CLSTN2: variants seen among roughly 807,000 people sequenced by gnomAD.
The protein encoded by CLSTN2 is calsyntenin 2, also known as calsyntenin-2.
In CLSTN2, 48 loss-of-function variants were observed where a neutral mutation model predicts 101.2. The ratio of observed to expected loss-of-function variants is 0.47; its 90% CI spans 0.38 to 0.60. The LOEUF (loss-of-function observed/expected upper bound fraction) is 0.60. Ranked by LOEUF, CLSTN2 falls within the 20% of genes least tolerant of loss-of-function variation. The pLI is 0.00. For synonymous variants in CLSTN2, 481 were observed against 463.6 expected, an observed-to-expected ratio of 1.04 and a Z score of -0.48; for missense variants, 1,160 against 1,238.2, an observed-to-expected ratio of 0.94 and a Z score of 0.95.
intron 5 of CLSTN2, among the ~76,000 whole-genome samples, chr3:140,423,340 C>T (rs538611498): frequency 6.6e-6 from 1 of 152,292 alleles, no homozygotes; most frequent in Admixed American, 6.5e-5. Flanking sequence ...GCTATTATGT[C>T]TCCAGTGCCC....
At chr3:140,471,113 T>G (rs555324695) in intron 8 of CLSTN2, among the ~76,000 whole-genome samples, 3 of 152,230 alleles carry the variant, frequency 2.0e-5, no homozygotes, top group Admixed American at 2.0e-4. Context: ...AGAATGTCAT[T>G]TTAATGGGAT....
chr3:140,080,528 CCTT>C (rs1418673424), intron 1 of CLSTN2, among the ~76,000 whole-genome samples: 2 of 152,178 alleles, frequency 1.3e-5, no homozygotes, highest in African/African-American at 2.4e-5. Flanking sequence ...CCCAACCCAA[CCTT>C]CTTTCTCTGG....
intron 2 of CLSTN2, among the ~76,000 whole-genome samples, chr3:140,217,491 A>C (rs1255424438): frequency 6.6e-6 from 1 of 152,246 alleles, no homozygotes; most frequent in Non-Finnish European, 1.5e-5. Flanking sequence ...TTATCATTCA[A>C]CATCACCACA....
At chr3:140,275,953 A>C (rs1470718022) in intron 2 of CLSTN2, among the ~76,000 whole-genome samples, 4 of 152,202 alleles carry the variant, frequency 2.6e-5, no homozygotes, top group Non-Finnish European at 4.4e-5. Flanking sequence ...GCAGGGGCAT[A>C]GGGTGAACAC....
Position 140,173,178 on chromosome 3 carries a change from G to A in CLSTN2, c.110-2773G>A, listed in dbSNP as rs117648076. 1.4e-3 allele frequency among the ~76,000 whole-genome samples: 212 copies of A among 152,276 alleles called. 4 individuals carry two copies. In the East Asian group the frequency reaches 0.037, roughly 27 times the overall value. On this transcript the variant is annotated intron_variant, in intron 1 of 16. Coordinates refer to ENST00000458420, the MANE Select transcript of CLSTN2 (RefSeq NM_022131.3). ...AGATACAATGGGGATGCAGACATTG[G>A]GTAAATACAACCGTTCCAAATGGGA... is the stretch of plus-strand genomic sequence containing the variant.
chr3:140,195,483 T>G (rs2010630900), intron 2 of CLSTN2, among the ~76,000 whole-genome samples: 1 of 152,088 alleles, frequency 6.6e-6, no homozygotes, highest in African/African-American at 2.4e-5. Flanking sequence ...TTAGTTTTAC[T>G]TAGTGGGAAG....
At chr3:140,467,732 T>C (rs545410724) in intron 8 of CLSTN2, among the ~76,000 whole-genome samples, 14 of 152,278 alleles carry the variant, frequency 9.2e-5, no homozygotes, top group Admixed American at 2.0e-4. Flanking sequence ...CATAATCCTT[T>C]CCCTTCTCCA....
chr3:140,026,812 C>T (rs79982353), intron 1 of CLSTN2, among the ~76,000 whole-genome samples: 248 of 152,324 alleles, frequency 1.6e-3, no homozygotes, highest in African/African-American at 5.7e-3. Flanking sequence ...CAGGGAACCC[C>T]CTTCCCATCT....
chr3:140,335,068 AG>A (rs1448909606), intron 2 of CLSTN2, among the ~76,000 whole-genome samples: 1 of 152,224 alleles, frequency 6.6e-6, no homozygotes, highest in Non-Finnish European at 1.5e-5. Flanking sequence ...TACCCTGGCC[AG>A]ACATTTCTTT....
chr3:140,031,947 T>C (rs2007559893), intron 1 of CLSTN2, among the ~76,000 whole-genome samples: 1 of 152,090 alleles, frequency 6.6e-6, no homozygotes. Context: ...TTCCGTAAAA[T>C]GAAGAGGTTA....
chr3:140,005,569 GT>G (rs1417542554), intron 1 of CLSTN2, among the ~76,000 whole-genome samples: 7 of 152,106 alleles, frequency 4.6e-5, no homozygotes, highest in African/African-American at 1.7e-4. Context: ...AGCTTGATAT[GT>G]GCTCATCCCT....
intron 1 of CLSTN2, among the ~76,000 whole-genome samples, chr3:140,148,273 G>A (rs2009811912): frequency 1.3e-5 from 2 of 152,206 alleles, no homozygotes; most frequent in South Asian, 2.1e-4. Context: ...GCACCAAGGA[G>A]AGCTCAGAGA....
intron 1 of CLSTN2, among the ~76,000 whole-genome samples, chr3:140,063,865 A>G (rs1205849891): frequency 6.6e-6 from 1 of 152,158 alleles, no homozygotes; most frequent in East Asian, 1.9e-4. Flanking sequence ...TAAACAACTC[A>G]ATTATGGAGT....
In CLSTN2 at chr3:140,403,714, C is replaced by G. The variant is rs1458088582; in HGVS notation, c.318C>G (p.Leu106=). ...VLNKTSGEGR[L]RAKSPIDCEL... is the part of the protein sequence containing the mutation. Reference sequence around the variant, plus strand: ...ACAAGACATCAGGAGAGGGCCGGCTCCGTGCCAAGAGCCCCATTGACTGTG... The same window carrying G: ...ACAAGACATCAGGAGAGGGCCGGCTGCGTGCCAAGAGCCCCATTGACTGTG... The change falls in exon 3 of 17, where the codon CTC becomes CTG. Residue 106 remains leucine, a synonymous_variant. Coordinates refer to ENST00000458420, the MANE Select transcript of CLSTN2 (RefSeq NM_022131.3). 6.2e-7 allele frequency: 1 copy of G among 1,614,204 alleles called. No individual in the cohort carries two copies.
intron 2 of CLSTN2, among the ~76,000 whole-genome samples, chr3:140,253,380 T>TC (rs1242141571): frequency 2.0e-5 from 3 of 152,216 alleles, no homozygotes; most frequent in African/African-American, 7.2e-5. Context: ...TCCTCTGAAC[T>TC]CCATCTACTG....
intron 5 of CLSTN2, among the ~76,000 whole-genome samples, chr3:140,422,888 TGAATG>T (rs1236052198): frequency 6.6e-6 from 1 of 152,156 alleles, no homozygotes; most frequent in East Asian, 1.9e-4. Flanking sequence ...AATGAATAAA[TGAATG>T]AATGAATGAA....
chr3:140,196,796 T>C (rs2010648718), intron 2 of CLSTN2, among the ~76,000 whole-genome samples: 1 of 152,236 alleles, frequency 6.6e-6, no homozygotes, highest in African/African-American at 2.4e-5. Flanking sequence ...ATTCTGTTCA[T>C]ATTCATATAG....
intron 1 of CLSTN2, among the ~76,000 whole-genome samples, chr3:140,133,843 G>A (rs2009560006): frequency 6.6e-6 from 1 of 152,180 alleles, no homozygotes; most frequent in Admixed American, 6.6e-5. Flanking sequence ...CTCCTGCCCT[G>A]AGCAGTAGCC....
chr3:139,958,993 T>A lies in CLSTN2; in HGVS notation c.109+23510T>A, dbSNP rs543842187. On this transcript the variant is annotated intron_variant, in intron 1 of 16. Coordinates refer to ENST00000458420, the MANE Select transcript of CLSTN2 (RefSeq NM_022131.3). The stretch of plus-strand genomic sequence containing the variant: ...ACGTCCTCCAGATGTCTTGCCAACT[T>A]GCTTATGGTGAGGAAGGGGAGGCAC... 1.2e-4 allele frequency among the ~76,000 whole-genome samples: 18 copies of A among 151,842 alleles called. No individual in the cohort carries two copies. In the South Asian group the frequency reaches 3.3e-3, roughly 28 times the overall value.
Sources: allele counts gnomAD v4.1 joint callset (sites outside exome capture counted in the v4.1 genomes callset), GRCh38; gene constraint gnomAD v4.1.1; transcripts MANE v1.5; gene names NCBI Gene and HGNC (gene_info 2026-07-23, HGNC 2026-07-21).